Variants in LRRC37A2 observed in about 807,000 individuals in gnomAD.
The protein encoded by LRRC37A2 is leucine rich repeat containing 37 member A2.
Under a neutral mutation model 68.8 loss-of-function variants are expected in LRRC37A2, and 9 were observed. The observed-to-expected ratio is 0.13, with a 90% CI of 0.08 to 0.23. LRRC37A2 has a LOEUF of 0.23. Ranked by LOEUF, LRRC37A2 falls within the 10% of genes least tolerant of loss-of-function variation. The pLI is 1.00. For missense variants in LRRC37A2, 168 were observed against 950.4 expected, an observed-to-expected ratio of 0.18 and a Z score of 10.82; for synonymous variants, 63 against 367.6, an observed-to-expected ratio of 0.17 and a Z score of 9.48.
the LRRC37A2 span, among the ~76,000 whole-genome samples, chr17:46,684,576 A>G: frequency 1.3e-5 from 2 of 152,144 alleles, no homozygotes; most frequent in East Asian, 1.9e-4. Context: ...GGAACAGAAC[A>G]GAGGCCTCAG....
chr17:46,846,082 T>C, the LRRC37A2 span, among the ~76,000 whole-genome samples: 2 of 152,190 alleles, frequency 1.3e-5, no homozygotes, highest in African/African-American at 4.8e-5. Flanking sequence ...TGAACCACCG[T>C]GCCCGGCCAT....
the LRRC37A2 span, among the ~76,000 whole-genome samples, chr17:46,951,831 G>A: frequency 3.9e-5 from 6 of 152,202 alleles, no homozygotes; most frequent in East Asian, 1.9e-4. Flanking sequence ...CACTCTGCCC[G>A]CCTTTCAGCC....
chr17:47,027,536 T>C, the LRRC37A2 span: 19 of 1,148,138 alleles, frequency 1.7e-5, no homozygotes, highest in South Asian at 1.6e-4. Context: ...CAAGGCAATA[T>C]TTTCCTTTTC....
At chr17:46,721,915 C>T in the LRRC37A2 span, 2 of 1,593,528 alleles carry the variant, frequency 1.3e-6, no homozygotes, top group East Asian at 4.5e-5. Flanking sequence ...TGAACTTTTT[C>T]TCCAATTCGC....
At chr17:46,789,118 T>TG in the LRRC37A2 span, among the ~76,000 whole-genome samples, 1 of 152,186 alleles carries the variant, frequency 6.6e-6, no homozygotes, top group Admixed American at 6.5e-5. Context: ...GCACAGTGCG[T>TG]GGGGCACTCC....
chr17:46,732,509 A>T, the LRRC37A2 span, among the ~76,000 whole-genome samples: 1 of 152,154 alleles, frequency 6.6e-6, no homozygotes, highest in African/African-American at 2.4e-5. Context: ...TTTGAATTTT[A>T]AATTTTTCTA....
chr17:46,724,134 C>G, the LRRC37A2 span, among the ~76,000 whole-genome samples: 1 of 152,156 alleles, frequency 6.6e-6, no homozygotes, highest in Admixed American at 6.5e-5. Flanking sequence ...CTGCTTAGAA[C>G]ACTTTCTTCC....
chr17:46,866,195 G>A, the LRRC37A2 span, among the ~76,000 whole-genome samples: 17 of 152,202 alleles, frequency 1.1e-4, no homozygotes, highest in Middle Eastern at 6.8e-3. Flanking sequence ...GGAGGGGAGA[G>A]AAGCCTGGAG....
the LRRC37A2 span, among the ~76,000 whole-genome samples, chr17:46,942,604 A>G: frequency 6.6e-6 from 1 of 152,234 alleles, no homozygotes; most frequent in African/African-American, 2.4e-5. Context: ...TGTTTGCTGC[A>G]GACCCTTCAG....
At chr17:46,829,500 C>T in the LRRC37A2 span, among the ~76,000 whole-genome samples, 3 of 152,166 alleles carry the variant, frequency 2.0e-5, no homozygotes, top group Non-Finnish European at 4.4e-5. Flanking sequence ...AAGCAGCAGC[C>T]CAGCCACCTG....
At chr17:46,941,513 C>T in the LRRC37A2 span, 2 of 626,766 alleles carry the variant, frequency 3.2e-6, no homozygotes, top group Admixed American at 6.3e-5. Flanking sequence ...TTTAAAATTA[C>T]ATATTCCTGG....
chr17:46,952,382 T>G, the LRRC37A2 span, among the ~76,000 whole-genome samples: 1 of 152,072 alleles, frequency 6.6e-6, no homozygotes, highest in African/African-American at 2.4e-5. Flanking sequence ...GGAATTCCCA[T>G]AGACACTGCT....
chr17:47,043,501 G>A, the LRRC37A2 span, among the ~76,000 whole-genome samples: 1 of 145,296 alleles, frequency 6.9e-6, no homozygotes, highest in Non-Finnish European at 1.5e-5. Flanking sequence ...TCCATCTCAG[G>A]AAAAAAAAAA....
the LRRC37A2 span, among the ~76,000 whole-genome samples, chr17:46,791,773 C>T: frequency 4.2e-4 from 64 of 152,290 alleles, 1 homozygote; most frequent in South Asian, 0.01. Flanking sequence ...GGCATGGTGG[C>T]GCATGCCTAT....
At chr17:46,857,878 GTTAT>G in the LRRC37A2 span, among the ~76,000 whole-genome samples, 4 of 152,074 alleles carry the variant, frequency 2.6e-5, no homozygotes, top group East Asian at 7.7e-4. Context: ...ATTTCATTGG[GTTAT>G]TTGTCTTCTT....
the LRRC37A2 span, among the ~76,000 whole-genome samples, chr17:47,029,371 T>C: frequency 6.6e-6 from 1 of 152,234 alleles, no homozygotes; most frequent in Non-Finnish European, 1.5e-5. Flanking sequence ...GCAAAAATTC[T>C]ATGATTTCTT....
chr17:46,784,354 G>A, the LRRC37A2 span, among the ~76,000 whole-genome samples: 2 of 152,228 alleles, frequency 1.3e-5, no homozygotes, highest in Admixed American at 1.3e-4. Context: ...ACCACGTAGA[G>A]ACAGAGCTGG....
the LRRC37A2 span, chr17:46,978,414 C>T: frequency 7.6e-6 from 4 of 527,652 alleles, no homozygotes; most frequent in African/African-American, 6.1e-5. Context: ...GGTAAGAACC[C>T]TCACCCCACA....
chr17:46,945,813 C>T, the LRRC37A2 span, among the ~76,000 whole-genome samples: 1 of 152,180 alleles, frequency 6.6e-6, no homozygotes, highest in East Asian at 1.9e-4. Flanking sequence ...ACTGCTGCCC[C>T]CAGGACCTCA....
Sources: allele counts gnomAD v4.1 joint callset (sites outside exome capture counted in the v4.1 genomes callset), GRCh38; gene constraint gnomAD v4.1.1; transcripts MANE v1.5; gene names NCBI Gene and HGNC (gene_info 2026-07-23, HGNC 2026-07-21).